NCAPG: variants seen among roughly 807,000 people sequenced by gnomAD.
The protein encoded by NCAPG is condensin complex subunit 3.
In NCAPG, 69 loss-of-function variants were observed where a neutral mutation model predicts 113.1. The ratio of observed to expected loss-of-function variants is 0.61; its 90% CI spans 0.50 to 0.75. The LOEUF (loss-of-function observed/expected upper bound fraction) is 0.75. NCAPG is among the 30% of genes least tolerant of loss of function. The probability of loss-of-function intolerance (pLI) is 0.00; values close to 1 mark genes in which losing one functional copy is unlikely to be tolerated. For synonymous variants in NCAPG, 370 were observed against 415.8 expected (o/e 0.89, Z 1.34); for missense variants, 1,058 against 1,177.0 (o/e 0.90, Z 1.48).
intron 8 of NCAPG, 100 bp downstream of exon 8, chr4:17,823,223 C>T: frequency 2.6e-6 from 3 of 1,164,794 alleles, no homozygotes; most frequent in East Asian, 2.7e-5. Context: ...TACCCTAGCT[C>T]TCTAAAGTGG....
Position 17,837,224 on chromosome 4 carries a change from C to T in NCAPG, c.2175C>T (p.Val725=). 1 of 1,613,994 alleles carries T rather than the reference C, an allele frequency of 6.2e-7. No individual in the cohort carries two copies. The change falls in exon 15 of 21, where the codon GTC becomes GTT. Residue 725 remains valine (V), a synonymous_variant. Transcript: ENST00000251496. ...LAKLMFSGLL[V]SSRILSRLIL... Reference sequence around the variant, plus strand: ...AGCTGATGTTCTCTGGGCTTTTGGTCAGCAGCAGGATTCTTTCTCGTCTTA... The same window carrying T: ...AGCTGATGTTCTCTGGGCTTTTGGTTAGCAGCAGGATTCTTTCTCGTCTTA...
At chr4:17,840,349 G>T in intron 18 of NCAPG, 140 bp downstream of exon 18, 2 of 894,586 alleles carry the variant, frequency 2.2e-6, no homozygotes, top group Non-Finnish European at 3.1e-6. Flanking sequence ...AATCCTCTTG[G>T]GAAAGAGCAT....
intron 3 of NCAPG, 50 bp downstream of exon 3, chr4:17,813,195 T>G: frequency 6.8e-7 from 1 of 1,467,332 alleles, no homozygotes. Flanking sequence ...TTTTGTTAAA[T>G]TCTCAGTATT....
chr4:17,840,495 C>T, intron 18 of NCAPG, 112 bp from the exon 19 acceptor site: 1 of 655,236 alleles, frequency 1.5e-6, no homozygotes, highest in Non-Finnish European at 2.3e-6. Flanking sequence ...TTTTCACTAG[C>T]TGCTAGAAGG....
Position 17,825,075 on chromosome 4 carries a change from G to T in NCAPG, c.1473+18G>T. On this transcript the variant is annotated intron_variant, in intron 10 of 20. Coordinates refer to ENST00000251496, the MANE Select transcript of NCAPG (RefSeq NM_022346.5). ...AACTCAAGGTAAGTCTCTTTTAAATGAAAGAAGTGCTTGAGTGTAATGTAG... is the reference window on the plus strand; with the variant it reads ...AACTCAAGGTAAGTCTCTTTTAAATTAAAGAAGTGCTTGAGTGTAATGTAG... The T allele has an allele frequency of 6.3e-7, 1 of 1,577,476 alleles. No individual in the cohort carries two copies. The highest frequency in any genetic ancestry group is 8.7e-7 in the Non-Finnish European group (1 of 1,148,920).
At position 17,812,261 on chromosome 4, in the gene NCAPG, A is replaced by G. The variant is rs754306303; in HGVS notation, c.152A>G (p.Tyr51Cys). 1.2e-6 allele frequency: 2 copies of G among 1,613,574 alleles called. No individual in the cohort carries two copies. Among genetic ancestry groups the G allele is most frequent in the East Asian group, 4.5e-5 (2 of 44,780 alleles). The part of the protein sequence containing the change: ...KTVFHEEFIH[Y>C]LKYVMVVYKR... ...GTTTTTCATGAGGAGTTCATTCATT[A>G]CCTTAAATATGTTATGGTGGTCTAT... The change falls in exon 2 of 21, where the codon TAC (tyrosine) becomes TGC (cysteine). Residue 51 changes from tyrosine (Y) to cysteine (C), a missense_variant. Tyr to Cys is a radical substitution (Grantham distance 194, BLOSUM62 -2). Transcript: ENST00000251496.
At chr4:17,839,080 C>T (rs1318296608) in intron 16 of NCAPG, among the ~76,000 whole-genome samples, 1 of 152,130 alleles carries the variant, frequency 6.6e-6, no homozygotes. Context: ...GTATGTGTAA[C>T]AGCAGACTTC....
chr4:17,823,264 T>A, intron 8 of NCAPG, 141 bp downstream of exon 8: 1 of 670,526 alleles, frequency 1.5e-6, no homozygotes, highest in Non-Finnish European at 2.4e-6. Context: ...CTTCTACATA[T>A]TTCCATATAT....
At chr4:17,839,051 G>A (rs1722220917) in intron 16 of NCAPG, among the ~76,000 whole-genome samples, 1 of 152,174 alleles carries the variant, frequency 6.6e-6, no homozygotes, top group Admixed American at 6.5e-5. Flanking sequence ...GGAGATGGAG[G>A]AGTCCAGGAA....
At position 17,834,466 on chromosome 4, in the gene NCAPG, A is replaced by G; in HGVS notation, c.2052A>G (p.Glu684=). 6.2e-7 allele frequency: 1 copy of G among 1,610,352 alleles called. No individual in the cohort carries two copies. Among genetic ancestry groups the G allele is most frequent in the Non-Finnish European group, 8.5e-7 (1 of 1,178,162 alleles). The change falls in exon 14 of 21, where the codon GAA becomes GAG. Residue 684 remains glutamate (E), a synonymous_variant. Coordinates refer to ENST00000251496, the MANE Select transcript of NCAPG (RefSeq NM_022346.5). Reference sequence around the variant, plus strand: ...ATGAGCAAGAATCAAAAGAAGTTGAAGAGACTGCTACAGCTAAGAATGTTC... The same window carrying G: ...ATGAGCAAGAATCAAAAGAAGTTGAGGAGACTGCTACAGCTAAGAATGTTC... The part of the protein sequence containing the change: ...SDDEQESKEV[E]ETATAKNVLK...
chr4:17,823,578 G>C, intron 8 of NCAPG, 69 bp from the exon 9 acceptor site: 1 of 1,367,176 alleles, frequency 7.3e-7, no homozygotes. Context: ...AGTTTGCAGA[G>C]TAGGTGAATG....
At chr4:17,825,351 C>A (rs1287583742) in intron 10 of NCAPG, 31 bp from the exon 11 acceptor site, 2 of 1,538,506 alleles carry the variant, frequency 1.3e-6, no homozygotes, top group Non-Finnish European at 1.7e-6. Context: ...AGTTTTTGTT[C>A]AGTGTTGAAA....
chr4:17,828,201 C>T (rs1305319571), intron 11 of NCAPG, 77 bp from the exon 12 acceptor site: 8 of 965,392 alleles, frequency 8.3e-6, no homozygotes. Context: ...ATGCCCTACA[C>T]AAAGCCCTGA....
intron 18 of NCAPG, among the ~76,000 whole-genome samples, 180 bp from the exon 19 acceptor site, chr4:17,840,427 T>G (rs1268052519): frequency 6.6e-6 from 1 of 152,046 alleles, no homozygotes. Context: ...ATGACCATCT[T>G]TTTAAGAGTT....
At position 17,828,363 on chromosome 4, in the gene NCAPG, C is replaced by G. The variant is rs1721734925; in HGVS notation, c.1739C>G (p.Thr580Ser). The G allele has an allele frequency of 1.9e-6, 3 of 1,605,466 alleles. No homozygotes were observed. Among genetic ancestry groups the G allele is most frequent in the Non-Finnish European group, 2.6e-6 (3 of 1,175,064 alleles). ...TCCATTTCAACAGGCTTAAGTGCAACCATGAATGGAATCATCGAATCTTTG... is the reference window on the plus strand; with the variant it reads ...TCCATTTCAACAGGCTTAAGTGCAAGCATGAATGGAATCATCGAATCTTTG... ...QMSISTGLSA[T>S]MNGIIESLIL... The change falls in exon 12 of 21, where the codon ACC (threonine) becomes AGC (serine). Residue 580 changes from threonine (T) to serine (S), a missense_variant. Transcript: ENST00000251496.
chr4:17,830,739 A>C (rs763727439), intron 12 of NCAPG, among the ~76,000 whole-genome samples: 6 of 152,144 alleles, frequency 3.9e-5, no homozygotes, highest in African/African-American at 9.7e-5. Context: ...CACAATAGGG[A>C]ATAGTATATA....
At position 17,823,703 on chromosome 4, in the gene NCAPG, C is replaced by T. The variant is rs758745111; in HGVS notation, c.1316C>T (p.Ser439Phe). 5 of 1,609,060 alleles carry T rather than the reference C, an allele frequency of 3.1e-6. No individual in the cohort carries two copies. The South Asian group carries it at 5.5e-5, about 18-fold the overall frequency. Residue 439 changes from serine to phenylalanine, a missense_variant, in exon 9 of 21, where the codon TCC (serine) becomes TTC (phenylalanine). Transcript: ENST00000251496. Reference protein sequence around the residue: ...EILILPTIPISLVSFLVERLL... With the variant: ...EILILPTIPIFLVSFLVERLL... Reference sequence around the variant, plus strand: ...CTTATTTTACCCACAATCCCAATATCCCTGGTTTCTTTTCTTGTTGAAAGA... The same window carrying T: ...CTTATTTTACCCACAATCCCAATATTCCTGGTTTCTTTTCTTGTTGAAAGA...
chr4:17,823,909 A>G, intron 9 of NCAPG, 139 bp downstream of exon 9: 1 of 636,022 alleles, frequency 1.6e-6, no homozygotes, highest in Non-Finnish European at 2.6e-6. Flanking sequence ...ATTTCTTAAA[A>G]CCATTATCTA....
rs1577213619 is a variant in NCAPG at position 17,840,549 on chromosome 4, A to G, written c.2768-58A>G. The G allele has an allele frequency of 1.1e-5, 12 of 1,053,310 alleles. No homozygotes were observed. The East Asian group carries it at 3.7e-4, about 33-fold the overall frequency. The allele number at this position is 1,053,310 out of a possible 1,614,324, so 65.2% of individuals were successfully genotyped here. On this transcript the variant is annotated intron_variant, in intron 18 of 20. Coordinates refer to ENST00000251496, the MANE Select transcript of NCAPG (RefSeq NM_022346.5). ...TATAAAAACTGGTCTTAAAAAGACAATTTAAAATATTTCATGAGGTTATCT... is the reference window on the plus strand; with the variant it reads ...TATAAAAACTGGTCTTAAAAAGACAGTTTAAAATATTTCATGAGGTTATCT...
Sources: allele counts gnomAD v4.1 joint callset (sites outside exome capture counted in the v4.1 genomes callset), GRCh38; gene constraint gnomAD v4.1.1; transcripts MANE v1.5; gene names NCBI Gene and HGNC (gene_info 2026-07-23, HGNC 2026-07-21).